The following MACIR variants were observed in gnomAD, a reference collection of about 807,000 sequenced individuals.
MACIR encodes UNC119-binding protein C5orf30.
Under a neutral mutation model 14.3 loss-of-function variants are expected in MACIR, and 4 were observed. The ratio of observed to expected loss-of-function variants is 0.28; its 90% CI spans 0.14 to 0.64. The LOEUF (loss-of-function observed/expected upper bound fraction) is 0.64, where lower values mean the gene tolerates loss of function less well. Among genes scored for constraint, MACIR ranks in the 30% least tolerant of loss-of-function variants. The pLI is 0.83. For synonymous variants in MACIR, 101 were observed against 102.4 expected (o/e 0.99, Z 0.08); for missense variants, 228 against 257.6 (o/e 0.89, Z 0.79).
chr5:103,268,426 A>G (rs1554236883), intron 2 of MACIR, among the ~76,000 whole-genome samples: 1 of 152,138 alleles, frequency 6.6e-6, no homozygotes, highest in East Asian at 1.9e-4. Context: ...CCCACAGAGG[A>G]TTAGGAACAG....
intron 2 of MACIR, among the ~76,000 whole-genome samples, chr5:103,274,421 T>A (rs1355051171): frequency 6.6e-6 from 1 of 151,406 alleles, no homozygotes; most frequent in East Asian, 1.9e-4. Flanking sequence ...ACTTTAAATC[T>A]AAAAGGGTTC....
chr5:103,261,117 G>A (rs1287461523), intron 1 of MACIR, among the ~76,000 whole-genome samples: 1 of 152,168 alleles, frequency 6.6e-6, no homozygotes, highest in African/African-American at 2.4e-5. Flanking sequence ...AAGATAATGA[G>A]TGCTGCACTT....
chr5:103,264,197 T>C (rs1554236558), intron 1 of MACIR, among the ~76,000 whole-genome samples: 1 of 152,136 alleles, frequency 6.6e-6, no homozygotes, highest in East Asian at 1.9e-4. Flanking sequence ...GTAAAGTAAA[T>C]GATCTTTGGA....
intron 1 of MACIR, among the ~76,000 whole-genome samples, chr5:103,261,658 C>CTTTCTTTCTTTCTTTCTTTCT (rs1804704723): frequency 9.6e-6 from 1 of 104,008 alleles, no homozygotes. Flanking sequence ...TTCTTTCTTT[C>CTTTCTTTCTTTCTTTCTTTCT]TTTCTTTCTT....
intron 2 of MACIR, among the ~76,000 whole-genome samples, chr5:103,274,656 T>G (rs1045638900): frequency 6.7e-6 from 1 of 149,836 alleles, no homozygotes; most frequent in African/African-American, 2.4e-5. Context: ...AAAGTGCTGT[T>G]TTTTTTTTTT....
rs1470024938 is a variant in MACIR, at chr5:103,277,198, C to G, written c.*658C>G. On this transcript the variant is annotated 3_prime_UTR_variant, in exon 3 of 3. Coordinates refer to ENST00000319933, the MANE Select transcript of MACIR (RefSeq NM_033211.4). ...ATGGCTGTAAAATATTTCTTTATAG[C>G]GTTATTAAAGTGTGTCTTAATAAAA... 1 of 166,790 alleles carries G rather than the reference C, an allele frequency of 6.0e-6. No homozygotes were observed. Among genetic ancestry groups the G allele is most frequent in the Non-Finnish European group, 1.5e-5 (1 of 68,058 alleles). 10.3% of individuals were successfully genotyped at this position (166,790 alleles called of 1,614,324 possible). A position where few individuals can be genotyped will look rare whatever the true frequency, so the allele number is the denominator to read the frequency against.
At chr5:103,275,868 T>C (rs1805303661) in intron 2 of MACIR, 29 bp from the exon 3 acceptor site, 3 of 1,557,146 alleles carry the variant, frequency 1.9e-6, no homozygotes, top group Admixed American at 1.8e-5. Flanking sequence ...TGCATTATAT[T>C]CTTCTAATCT....
rs565547139 is a variant in MACIR at position 103,275,994 on chromosome 5, C to T, written c.75C>T (p.Ser25=). The T allele has an allele frequency of 4.3e-6, 7 of 1,614,076 alleles. No homozygotes were observed. The South Asian group carries it at 7.7e-5, about 18-fold the overall frequency. Residue 25 remains serine, a synonymous_variant, in exon 3 of 3, where the codon TCC becomes TCT. Coordinates refer to ENST00000319933, the MANE Select transcript of MACIR (RefSeq NM_033211.4). ...CCTTCCCTGGGGCTGAGGCCAACTC[C>T]CCGGGAAAGGCGGAGGCAGAGAAGC... ...TLPFPGAEAN[S]PGKAEAEKPR...
At chr5:103,263,576 A>C (rs1804811379) in intron 1 of MACIR, among the ~76,000 whole-genome samples, 1 of 152,184 alleles carries the variant, frequency 6.6e-6, no homozygotes, top group Admixed American at 6.5e-5. Context: ...TTGAAAGTGT[A>C]AATATTTTTC....
intron 2 of MACIR, among the ~76,000 whole-genome samples, chr5:103,270,695 A>C (rs1423875271): frequency 6.6e-6 from 1 of 152,186 alleles, no homozygotes; most frequent in East Asian, 1.9e-4. Context: ...ATCTCTGTGT[A>C]TGGTTAAAGA....
intron 2 of MACIR, among the ~76,000 whole-genome samples, chr5:103,269,866 T>C (rs114388083): frequency 1.5e-3 from 223 of 152,334 alleles, no homozygotes; most frequent in African/African-American, 5.2e-3. Flanking sequence ...GTATATATTT[T>C]TGTAATATAT....
In MACIR at chr5:103,258,810, C is replaced by T. The variant is rs1299163561; in HGVS notation, c.-200C>T. The T allele has an allele frequency of 7.2e-5, 11 of 152,402 alleles. No homozygotes were observed. Among genetic ancestry groups the T allele is most frequent in the Non-Finnish European group, 1.3e-4 (9 of 68,168 alleles). The allele number at this position is 152,402 out of a possible 1,614,324, so 9.4% of individuals were successfully genotyped here. A position where few individuals can be genotyped will look rare whatever the true frequency, so the allele number is the denominator to read the frequency against. ...CGGCTGGCGGCCTCTGCCTGGATCT[C>T]GGCGCCGCAGTCCTGCGCCTCTCCC... On this transcript the variant is annotated 5_prime_UTR_variant, in exon 1 of 3. Transcript: ENST00000319933.
intron 2 of MACIR, among the ~76,000 whole-genome samples, chr5:103,271,201 C>T (rs115090895): frequency 0.014 from 2,200 of 152,088 alleles, 30 homozygotes; most frequent in Non-Finnish European, 0.023. Flanking sequence ...TATTAGGATA[C>T]GGTGTTTCTC....
At chr5:103,258,388 G>A (rs1270804413), upstream of MACIR, among the ~76,000 whole-genome samples, 2 of 152,048 alleles carry the variant, frequency 1.3e-5, no homozygotes, top group African/African-American at 4.8e-5. Context: ...ACTCACAAGT[G>A]ACAAATATCA....
chr5:103,261,727 T>TTTCTTTCTTTCTTCCTTTC (rs1804737389), intron 1 of MACIR, among the ~76,000 whole-genome samples: 1 of 134,616 alleles, frequency 7.4e-6, no homozygotes, highest in African/African-American at 2.8e-5. Flanking sequence ...TCTTTCTTTC[T>TTTCTTTCTTTCTTCCTTTC]TTTCTTTCTT....
chr5:103,259,031 C>G (rs1273407730), intron 1 of MACIR, 135 bp downstream of exon 1: 1 of 152,418 alleles, frequency 6.6e-6, no homozygotes, highest in Admixed American at 6.5e-5. Context: ...CGGCGCCGCC[C>G]CTTCCTCTCC....
chr5:103,271,506 G>A (rs1173019913), intron 2 of MACIR, among the ~76,000 whole-genome samples: 2 of 151,984 alleles, frequency 1.3e-5, no homozygotes, highest in Non-Finnish European at 2.9e-5. Context: ...CTTTAAAAAT[G>A]TACTGTGTAC....
chr5:103,270,357 T>C (rs570353265), intron 2 of MACIR, among the ~76,000 whole-genome samples: 1 of 152,294 alleles, frequency 6.6e-6, no homozygotes, highest in African/African-American at 2.4e-5. Context: ...ATGTTTTCAT[T>C]GTAGAAAGAA....
chr5:103,272,127 C>T (rs557578931), intron 2 of MACIR, among the ~76,000 whole-genome samples: 36 of 152,206 alleles, frequency 2.4e-4, no homozygotes, highest in Non-Finnish European at 4.4e-5. Flanking sequence ...CAATATGAAA[C>T]AAAATGCTGA....
Sources: allele counts gnomAD v4.1 joint callset (sites outside exome capture counted in the v4.1 genomes callset), GRCh38; gene constraint gnomAD v4.1.1; transcripts MANE v1.5; gene names NCBI Gene and HGNC (gene_info 2026-07-23, HGNC 2026-07-21).